The following SNTG1 variants were observed in gnomAD, a reference collection of about 807,000 sequenced individuals.
SNTG1 encodes the protein syntrophin gamma 1, also known as gamma-1-syntrophin.
A neutral mutation model predicts 74.7 loss-of-function variants in SNTG1; 39 were observed. The observed-to-expected ratio is 0.52, with a 90% CI of 0.40 to 0.68. The LOEUF is 0.68. SNTG1 is among the 30% of genes least tolerant of loss of function. The pLI is 0.00. For missense variants in SNTG1, 685 were observed against 609.5 expected (o/e 1.12, Z -1.30); for synonymous variants, 254 against 217.1 (o/e 1.17, Z -1.49).
intron 15 of SNTG1, among the ~76,000 whole-genome samples, chr8:50,682,307 G>A (rs2095334392): frequency 6.6e-6 from 1 of 152,006 alleles, no homozygotes; most frequent in African/African-American, 2.4e-5. Context: ...AAGAGAGCAG[G>A]GATACAAGCT....
intron 1 of SNTG1, among the ~76,000 whole-genome samples, chr8:49,960,233 T>C (rs1387842927): frequency 2.0e-5 from 3 of 152,360 alleles, no homozygotes; most frequent in Middle Eastern, 3.4e-3. Flanking sequence ...TGATTTGTTT[T>C]CTTGACTCTC....
At chr8:50,364,109 A>C (rs995460135) in intron 2 of SNTG1, among the ~76,000 whole-genome samples, 7 of 152,132 alleles carry the variant, frequency 4.6e-5, no homozygotes, top group Non-Finnish European at 7.4e-5. Context: ...AATAGATCAT[A>C]TCATCGGCCA....
At chr8:50,653,868 T>TA (rs777330929) in intron 13 of SNTG1, among the ~76,000 whole-genome samples, 11 of 152,186 alleles carry the variant, frequency 7.2e-5, no homozygotes, top group Non-Finnish European at 1.5e-4. Flanking sequence ...GGTATAAAGT[T>TA]AAAGTTTTCC....
chr8:50,511,446 C>T (rs1234536523), intron 9 of SNTG1, among the ~76,000 whole-genome samples: 2 of 152,162 alleles, frequency 1.3e-5, no homozygotes, highest in Non-Finnish European at 2.9e-5. Context: ...TGGTGCAGAG[C>T]TGAGTTCAAT....
chr8:50,331,154 G>C (rs1302331007), intron 2 of SNTG1, among the ~76,000 whole-genome samples: 1 of 152,134 alleles, frequency 6.6e-6, no homozygotes, highest in Admixed American at 6.5e-5. Context: ...CTATATAACT[G>C]TCAGGGAAAT....
chr8:50,569,236 AT>A (rs1222004306), intron 12 of SNTG1, among the ~76,000 whole-genome samples: 1 of 152,190 alleles, frequency 6.6e-6, no homozygotes, highest in Non-Finnish European at 1.5e-5. Context: ...CGGAAGATGT[AT>A]TAATTCTAAA....
chr8:50,590,327 C>G (rs1266248006), intron 12 of SNTG1, among the ~76,000 whole-genome samples: 1 of 152,022 alleles, frequency 6.6e-6, no homozygotes, highest in Non-Finnish European at 1.5e-5. Flanking sequence ...AGTTTGTTTC[C>G]ATGGCATATG....
chr8:50,735,501 T>A (rs756287567), intron 17 of SNTG1, among the ~76,000 whole-genome samples: 1 of 151,544 alleles, frequency 6.6e-6, no homozygotes, highest in Non-Finnish European at 1.5e-5. Context: ...GTCAAATCGA[T>A]CAATCAGAAG....
chr8:50,273,302 G>A lies in SNTG1; in HGVS notation c.-28+100667G>A, dbSNP rs928357731. ...CACTTAATCCAAAATGGTTCAAAAT[G>A]TTTTGAAAAACACAAGTTCTGACAG... On this transcript the variant is annotated intron_variant, in intron 2 of 18. Coordinates refer to ENST00000642720, the MANE Select transcript of SNTG1 (RefSeq NM_018967.5). Among the ~76,000 whole-genome samples the A allele has an allele frequency of 1.1e-4, 16 of 152,280 alleles. 1 individual carries two copies. The highest frequency in any genetic ancestry group is 8.3e-4 in the South Asian group (4 of 4,830).
intron 1 of SNTG1, among the ~76,000 whole-genome samples, chr8:50,072,702 A>G (rs1310833572): frequency 4.6e-5 from 7 of 152,194 alleles, no homozygotes; most frequent in African/African-American, 1.7e-4. Flanking sequence ...CATCTCTAAA[A>G]CTAAAATAGC....
At chr8:50,568,390 T>A (rs1221790530) in intron 12 of SNTG1, among the ~76,000 whole-genome samples, 1 of 152,104 alleles carries the variant, frequency 6.6e-6, no homozygotes, top group Non-Finnish European at 1.5e-5. Context: ...ATATGGTAGT[T>A]CTGTTTTTAC....
intron 17 of SNTG1, among the ~76,000 whole-genome samples, chr8:50,735,507 A>C (rs2095526130): frequency 6.6e-6 from 1 of 151,782 alleles, no homozygotes; most frequent in Admixed American, 6.6e-5. Flanking sequence ...TCGATCAATC[A>C]GAAGAAAGGG....
At chr8:50,197,364 T>C (rs1028239362) in intron 2 of SNTG1, among the ~76,000 whole-genome samples, 38 of 152,200 alleles carry the variant, frequency 2.5e-4, no homozygotes, top group African/African-American at 8.9e-4. Context: ...TAGGATTGCA[T>C]AGTTTATTGT....
intron 12 of SNTG1, among the ~76,000 whole-genome samples, chr8:50,584,511 T>C (rs1426863113): frequency 1.3e-5 from 1 of 78,014 alleles, no homozygotes; most frequent in Non-Finnish European, 2.5e-5. Flanking sequence ...TTTCTCTGAT[T>C]CTTTTTTTTT....
chr8:50,677,979 G>A (rs2131375490), intron 15 of SNTG1, among the ~76,000 whole-genome samples: 1 of 152,000 alleles, frequency 6.6e-6, no homozygotes, highest in South Asian at 2.1e-4. Flanking sequence ...GGCGTGTGGG[G>A]AGAGGAGGGC....
chr8:50,270,097 T>C (rs1282583524), intron 2 of SNTG1, among the ~76,000 whole-genome samples: 2 of 152,148 alleles, frequency 1.3e-5, no homozygotes, highest in Admixed American at 6.5e-5. Flanking sequence ...TGAACAAGAA[T>C]ATCAAAGCAG....
At chr8:50,184,385 C>G (rs556950871) in intron 2 of SNTG1, among the ~76,000 whole-genome samples, 2 of 152,046 alleles carry the variant, frequency 1.3e-5, no homozygotes, top group South Asian at 4.1e-4. Flanking sequence ...AGGCTGGTCT[C>G]CAACTCCTGA....
intron 1 of SNTG1, among the ~76,000 whole-genome samples, chr8:49,996,332 G>T (rs1222687099): frequency 6.6e-6 from 1 of 151,678 alleles, no homozygotes; most frequent in Admixed American, 6.6e-5. Flanking sequence ...TATTCAATAA[G>T]TGTATCAAGG....
At chr8:50,366,699 T>A (rs2092120725) in intron 2 of SNTG1, among the ~76,000 whole-genome samples, 1 of 146,764 alleles carries the variant, frequency 6.8e-6, no homozygotes, top group Non-Finnish European at 1.5e-5. Context: ...ATATTTTATA[T>A]AATATATAAT....
Sources: gnomAD v4.1 joint callset for allele counts (sites outside exome capture counted in the v4.1 genomes callset) on GRCh38, gnomAD v4.1.1 for gene constraint, MANE v1.5 for transcripts, NCBI Gene and HGNC (gene_info 2026-07-23, HGNC 2026-07-21) for gene names.